Variants in LUZP2 observed in about 807,000 individuals in gnomAD.
The protein encoded by LUZP2 is leucine zipper protein 2.
A neutral mutation model predicts 51.6 loss-of-function variants in LUZP2; 52 were observed. The ratio of observed to expected loss-of-function variants is 1.01; its 90% confidence interval spans 0.81 to 1.27. LUZP2 has a LOEUF of 1.27. LUZP2 is among the 50% of genes most tolerant of loss of function. The pLI is 0.00. For missense variants in LUZP2, 436 were observed against 395.4 expected (o/e 1.10, Z -0.87); for synonymous variants, 154 against 137.3 (o/e 1.12, Z -0.85).
At chr11:25,006,520 G>A (rs1256356577) in intron 9 of LUZP2, among the ~76,000 whole-genome samples, 2 of 152,136 alleles carry the variant, frequency 1.3e-5, no homozygotes, top group Non-Finnish European at 2.9e-5. Flanking sequence ...AAGATTTGGG[G>A]GTTGTTAGCC....
chr11:24,619,082 G>A (rs1283374999), intron 1 of LUZP2, among the ~76,000 whole-genome samples: 1 of 151,846 alleles, frequency 6.6e-6, no homozygotes, highest in South Asian at 2.1e-4. Context: ...AAGTTGCAGT[G>A]CAATGGCATG....
intron 5 of LUZP2, among the ~76,000 whole-genome samples, chr11:24,849,925 C>G (rs989067610): frequency 6.6e-6 from 1 of 152,156 alleles, no homozygotes; most frequent in Non-Finnish European, 1.5e-5. Flanking sequence ...TAAGTGTCTT[C>G]TTTTGAAAAG....
chr11:24,940,020 TA>T (rs1460485449), intron 7 of LUZP2, among the ~76,000 whole-genome samples: 7 of 151,982 alleles, frequency 4.6e-5, no homozygotes, highest in African/African-American at 1.7e-4. Flanking sequence ...GTTCTGGCTC[TA>T]TTTTTTTTTT....
intron 1 of LUZP2, among the ~76,000 whole-genome samples, chr11:24,534,222 C>G (rs1489032748): frequency 7.0e-6 from 1 of 142,844 alleles, no homozygotes; most frequent in African/African-American, 2.8e-5. Flanking sequence ...TTCTTGAACA[C>G]TTCTGAGATT....
intron 1 of LUZP2, among the ~76,000 whole-genome samples, chr11:24,504,802 T>G (rs1187987550): frequency 3.9e-5 from 6 of 152,126 alleles, no homozygotes; most frequent in African/African-American, 1.4e-4. Flanking sequence ...TATTTTCTAA[T>G]AAGATTCTCC....
chr11:24,601,860 AT>A (rs1853649981), intron 1 of LUZP2, among the ~76,000 whole-genome samples: 1 of 138,052 alleles, frequency 7.2e-6, no homozygotes. Context: ...ATATATATAT[AT>A]ATGTGTATAT....
chr11:24,751,927 A>G (rs1310151504), intron 4 of LUZP2, among the ~76,000 whole-genome samples: 1 of 152,114 alleles, frequency 6.6e-6, no homozygotes, highest in Non-Finnish European at 1.5e-5. Flanking sequence ...TCATAAAAAA[A>G]CTACTTGATA....
intron 1 of LUZP2, among the ~76,000 whole-genome samples, chr11:24,711,615 A>T (rs1253874633): frequency 5.3e-5 from 8 of 152,096 alleles, no homozygotes; most frequent in Non-Finnish European, 8.8e-5. Flanking sequence ...GTTTACTTTT[A>T]AAAATCTAGA....
At chr11:24,583,676 A>G (rs1402083980) in intron 1 of LUZP2, among the ~76,000 whole-genome samples, 1 of 151,784 alleles carries the variant, frequency 6.6e-6, no homozygotes, top group Non-Finnish European at 1.5e-5. Context: ...TTTTAAGTGA[A>G]GTAACCAGGG....
intron 5 of LUZP2, among the ~76,000 whole-genome samples, chr11:24,889,682 G>T (rs1262377717): frequency 6.6e-6 from 1 of 152,128 alleles, no homozygotes; most frequent in African/African-American, 2.4e-5. Context: ...CTCAGCTGAG[G>T]CTGCTTGTAA....
At chr11:24,892,215 TG>T (rs1852877285) in intron 5 of LUZP2, 1 of 985,280 alleles carries the variant, frequency 1.0e-6, no homozygotes, top group South Asian at 4.7e-5. Flanking sequence ...AGGAAAAATG[TG>T]TATTTCTCCC....
chr11:24,835,158 A>G (rs1334204776), intron 5 of LUZP2, among the ~76,000 whole-genome samples: 3 of 152,246 alleles, frequency 2.0e-5, no homozygotes, highest in South Asian at 2.1e-4. Context: ...AACACCACAC[A>G]TCTATAACCA....
intron 5 of LUZP2, among the ~76,000 whole-genome samples, chr11:24,823,023 A>T (rs1362147053): frequency 6.6e-6 from 1 of 152,184 alleles, no homozygotes; most frequent in Non-Finnish European, 1.5e-5. Flanking sequence ...CATATCAGGA[A>T]CTATTATGGA....
intron 1 of LUZP2, among the ~76,000 whole-genome samples, chr11:24,600,444 A>G (rs530013596): frequency 2.9e-4 from 44 of 152,174 alleles, no homozygotes; most frequent in Non-Finnish European, 4.7e-4. Flanking sequence ...GTGGTGCTTT[A>G]TTATGAAGCA....
chr11:24,832,428 A>AT (rs1285788083), intron 5 of LUZP2, among the ~76,000 whole-genome samples: 1 of 151,932 alleles, frequency 6.6e-6, no homozygotes, highest in African/African-American at 2.4e-5. Context: ...AACAGGTTTT[A>AT]TTTTTCCAAG....
chr11:24,909,732 A>G (rs1383813555), intron 6 of LUZP2, among the ~76,000 whole-genome samples: 1 of 152,198 alleles, frequency 6.6e-6, no homozygotes, highest in African/African-American at 2.4e-5. Flanking sequence ...TTGTGAGTCA[A>G]TTAAACTCTT....
At chr11:24,813,257 G>A (rs1401040738) in intron 5 of LUZP2, among the ~76,000 whole-genome samples, 2 of 152,130 alleles carry the variant, frequency 1.3e-5, no homozygotes, top group African/African-American at 4.8e-5. Context: ...ATTCTCTTCA[G>A]TTATATTCCT....
chr11:25,076,652 A>G, intron 10 of LUZP2, among the ~76,000 whole-genome samples: 1 of 126,560 alleles, frequency 7.9e-6, no homozygotes. Context: ...GAGGGAAGGA[A>G]GGGAGGGAGG....
chr11:24,801,549 G>A (rs1849698133), intron 5 of LUZP2, among the ~76,000 whole-genome samples: 1 of 151,594 alleles, frequency 6.6e-6, no homozygotes, highest in East Asian at 1.9e-4. Flanking sequence ...TTGATCCAAG[G>A]AAACACAGTT....
Sources: allele counts gnomAD v4.1 joint callset (sites outside exome capture counted in the v4.1 genomes callset), GRCh38; gene constraint gnomAD v4.1.1; transcripts MANE v1.5; gene names NCBI Gene and HGNC (gene_info 2026-07-23, HGNC 2026-07-21).